The following WDR45 variants were observed in gnomAD, a reference collection of about 807,000 sequenced individuals.
The protein encoded by WDR45 is WD repeat domain 45.
A neutral mutation model predicts 27.3 loss-of-function variants in WDR45; 2 were observed. That is an observed-to-expected ratio of 0.07 (90% confidence interval 0.03 to 0.23). The LOEUF (loss-of-function observed/expected upper bound fraction) is 0.23, where lower values mean the gene tolerates loss of function less well. WDR45 is among the 10% of genes least tolerant of loss of function. The pLI is 1.00. For missense variants in WDR45, 175 were observed against 311.9 expected (o/e 0.56, Z 3.31); for synonymous variants, 99 against 119.2 (o/e 0.83, Z 1.11).
chrX:49,082,746 CTCTG>C (rs2147821316), upstream of WDR45, among the ~76,000 whole-genome samples: 1 of 111,103 alleles, frequency 9.0e-6, no homozygotes, highest in African/African-American at 3.3e-5. Flanking sequence ...TGGAGTCTCA[CTCTG>C]TCACCTAGGC....
rs781948769 is a variant in WDR45 at position 49,075,655 on chromosome X, A to G, written c.615T>C (p.Thr205=). The G allele has an allele frequency of 2.5e-6, 3 of 1,209,682 alleles. No individual in the cohort carries two copies. Among genetic ancestry groups the G allele is most frequent in the Middle Eastern group, 2.3e-4 (1 of 4,356 alleles). Residue 205 remains threonine (T), a synonymous_variant, in exon 8 of 11, where the codon ACT becomes ACC. Transcript: ENST00000376372. ...IACVSLNQPG[T]VVASASQKGT... is the part of the protein sequence containing the mutation. ...CCTTCTGGGAGGCTGAGGCCACTAC[A>G]GTGCCTGGCTGGTTTAGAGACACAC...
At position 49,075,956 on chromosome X, in the gene WDR45, A is replaced by C; in HGVS notation, c.437-11T>G. 8.3e-7 allele frequency: 1 copy of C among 1,197,681 alleles called. No homozygotes were observed. The highest frequency in any genetic ancestry group is 1.1e-6 in the Non-Finnish European group (1 of 884,189). ...AGAGGTCACAGAGCCCTAGGGTGTG[A>C]AGATGGGGGGTGGGGTGGGCGGCTG... On this transcript the variant is annotated splice_polypyrimidine_tract_variant and intron_variant, in intron 6 of 10. Transcript: ENST00000376372.
intron 2 of WDR45, among the ~76,000 whole-genome samples, chrX:49,094,988 A>G (rs1352576564): frequency 9.4e-6 from 1 of 106,819 alleles, no homozygotes; most frequent in African/African-American, 3.4e-5. Context: ...GAGTTTCTCC[A>G]TGTTGGTCAG....
At chrX:49,096,485 C>T (rs1326835280) in intron 2 of WDR45, among the ~76,000 whole-genome samples, 2 of 112,698 alleles carry the variant, frequency 1.8e-5, no homozygotes, top group African/African-American at 3.2e-5. Flanking sequence ...CCTGTCTCAG[C>T]CTCCCAAAAT....
chrX:49,082,829 T>A (rs1372602088), upstream of WDR45, among the ~76,000 whole-genome samples: 1 of 110,931 alleles, frequency 9.0e-6, no homozygotes, highest in Non-Finnish European at 1.9e-5. Flanking sequence ...TTCTCCTGCC[T>A]TAGCCTCCTG....
intron 2 of WDR45, among the ~76,000 whole-genome samples, chrX:49,097,046 A>G (rs868916077): frequency 5.5e-4 from 62 of 111,836 alleles, no homozygotes; most frequent in African/African-American, 1.9e-3. Context: ...CCAGCAAATG[A>G]TGAAATTCTT....
chrX:49,083,945 TAAAAAAAAAAAA>T (rs1296886066), upstream of WDR45, among the ~76,000 whole-genome samples: 2 of 48,089 alleles, frequency 4.2e-5, no homozygotes, highest in South Asian at 2.6e-3. Flanking sequence ...ACACTCTGTC[TAAAAAAAAAAAA>T]AAAAAAAAAG....
intron 2 of WDR45, among the ~76,000 whole-genome samples, chrX:49,094,788 C>T (rs1203767985): frequency 4.5e-5 from 5 of 110,116 alleles, no homozygotes; most frequent in African/African-American, 6.6e-5. Context: ...GTGGATCTAA[C>T]GCATTTGAAA....
intron 1 of WDR45, among the ~76,000 whole-genome samples, chrX:49,078,567 C>G (rs952835557): frequency 8.9e-6 from 1 of 111,905 alleles, no homozygotes; most frequent in African/African-American, 3.2e-5. Context: ...GGTCTCTGCT[C>G]TAAGCTCCCA....
At chrX:49,078,204 A>T in intron 1 of WDR45, 92 bp from the exon 2 acceptor site, 1 of 856,609 alleles carries the variant, frequency 1.2e-6, no homozygotes, top group Non-Finnish European at 1.7e-6. Context: ...TCTGCTAACT[A>T]CTGACTCTGG....
At chrX:49,076,089 C>A (rs1569523493) in intron 6 of WDR45, 144 bp from the exon 7 acceptor site, 2 of 514,973 alleles carry the variant, frequency 3.9e-6, no homozygotes, top group East Asian at 3.6e-5. Flanking sequence ...CTCAGCTGCA[C>A]GCCCCGCCAG....
chrX:49,082,234 A>T (rs1557085273), upstream of WDR45: 3 of 24,514 alleles, frequency 1.2e-4, no homozygotes, highest in African/African-American at 1.3e-4. Flanking sequence ...CATTGATGAA[A>T]TCCCCCCTTT....
upstream of WDR45, among the ~76,000 whole-genome samples, chrX:49,083,857 G>A (rs2065077516): frequency 1.0e-5 from 1 of 100,034 alleles, no homozygotes; most frequent in African/African-American, 3.7e-5. Context: ...TGAGGCGGGA[G>A]AATCGCTTGA....
In WDR45 at chrX:49,077,672, C is replaced by G. The variant is rs373549198; in HGVS notation, c.206G>C (p.Gly69Ala). Residue 69 changes from glycine (G) to alanine (A), a missense_variant, in exon 4 of 11, where the codon GGT (glycine) becomes GCT (alanine). Transcript: ENST00000376372. Reference sequence around the variant, plus strand: ...GATCTCTGAGAACTTGGGACTACTACCACCGCCCACCAAGGCCAGAAGGTT... The same window carrying G: ...GATCTCTGAGAACTTGGGACTACTAGCACCGCCCACCAAGGCCAGAAGGTT... ...RSNLLALVGG[G>A]SSPKFSEISV... The G allele has an allele frequency of 8.3e-6, 10 of 1,198,766 alleles. No individual in the cohort carries two copies. The highest frequency in any genetic ancestry group is 1.1e-5 in the Non-Finnish European group (10 of 889,597).
At chrX:49,090,858 G>A (rs1557086515) in intron 2 of WDR45, among the ~76,000 whole-genome samples, 1 of 105,888 alleles carries the variant, frequency 9.4e-6, no homozygotes, top group African/African-American at 3.5e-5. Context: ...TTTTGAGACG[G>A]AGTCTCGCTC....
upstream of WDR45, among the ~76,000 whole-genome samples, chrX:49,081,001 G>C (rs1557085045): frequency 9.7e-6 from 1 of 102,690 alleles, no homozygotes; most frequent in Non-Finnish European, 2.0e-5. Flanking sequence ...GGGTTCAAGG[G>C]ATTCTTCTGC....
At position 49,075,859 on chromosome X, in the gene WDR45, G is replaced by A. The variant is rs782385312; in HGVS notation, c.516+7C>T. ...ACCTACCCACCCTTGTCCACTGGAC[G>A]GCTCACCACAAGTTGCAGACTCCCA... On this transcript the variant is annotated splice_region_variant and intron_variant, in intron 7 of 10. Transcript: ENST00000376372. The A allele has an allele frequency of 3.3e-6, 4 of 1,209,707 alleles. No homozygotes were observed. Among genetic ancestry groups the A allele is most frequent in the South Asian group, 3.5e-5 (2 of 56,606 alleles).
At chrX:49,086,146 C>T (rs182397630) in intron 2 of WDR45, among the ~76,000 whole-genome samples, 393 of 111,216 alleles carry the variant, frequency 3.5e-3, no homozygotes, top group African/African-American at 0.011. Flanking sequence ...GGGTCCCAAT[C>T]CAGACCCCAA....
upstream of WDR45, among the ~76,000 whole-genome samples, chrX:49,084,089 G>A (rs1266278702): frequency 1.3e-5 from 1 of 78,201 alleles, no homozygotes; most frequent in Non-Finnish European, 2.3e-5. Context: ...TTGCTCTGTC[G>A]CCCAGGCTGG....
Sources: gnomAD v4.1 joint callset for allele counts (sites outside exome capture counted in the v4.1 genomes callset) on GRCh38, gnomAD v4.1.1 for gene constraint, MANE v1.5 for transcripts, NCBI Gene and HGNC (gene_info 2026-07-23, HGNC 2026-07-21) for gene names.